The following MRM1 variants were observed in gnomAD, a reference collection of about 807,000 sequenced individuals.
MRM1 encodes mitochondrial rRNA methyltransferase 1.
Under a neutral mutation model 25.0 loss-of-function variants are expected in MRM1, and 24 were observed. The ratio of observed to expected loss-of-function variants is 0.96; its 90% CI spans 0.69 to 1.35. MRM1 has a LOEUF of 1.35. Ranked by LOEUF, MRM1 falls within the 40% of genes most tolerant of loss-of-function variation. The pLI, the probability that MRM1 is intolerant of heterozygous loss-of-function variation, is 0.00. For synonymous variants in MRM1, 188 were observed against 199.2 expected (o/e 0.94, Z 0.47); for missense variants, 431 against 464.1 (o/e 0.93, Z 0.65).
At chr17:36,604,747 A>G (rs1341669238) in intron 2 of MRM1, among the ~76,000 whole-genome samples, 1 of 151,374 alleles carries the variant, frequency 6.6e-6, no homozygotes, top group African/African-American at 2.4e-5. Flanking sequence ...TGGAGGTGGT[A>G]GTGAGCCGAG....
At chr17:36,613,008 G>T (rs183170367), downstream of MRM1, among the ~76,000 whole-genome samples, 2 of 152,126 alleles carry the variant, frequency 1.3e-5, no homozygotes, top group Admixed American at 1.3e-4. Context: ...AGGGAGGAGA[G>T]GGGTTGGAAT....
At chr17:36,610,110 T>G (rs564621219), downstream of MRM1, among the ~76,000 whole-genome samples, 4 of 151,744 alleles carry the variant, frequency 2.6e-5, no homozygotes, top group South Asian at 8.3e-4. Context: ...TTTTTTTTGG[T>G]AGAGATGGGG....
chr17:36,608,073 T>G (rs2074947596), intron 4 of MRM1, 55 bp downstream of exon 4: 3 of 1,597,876 alleles, frequency 1.9e-6, no homozygotes. Flanking sequence ...CAGGTGGGAT[T>G]TGATGCCCTC....
chr17:36,631,498 A>T, the MRM1 span, among the ~76,000 whole-genome samples: 7 of 152,280 alleles, frequency 4.6e-5, no homozygotes, highest in East Asian at 1.2e-3. Context: ...AGTCACTAAG[A>T]CCTCTGCTTC....
intron 4 of MRM1, 66 bp from the exon 5 acceptor site, chr17:36,608,177 T>C: frequency 2.0e-6 from 3 of 1,524,218 alleles, no homozygotes; most frequent in Non-Finnish European, 1.8e-6. Context: ...GCTGCCTGAA[T>C]GTCTAGGTCT....
At chr17:36,625,462 C>CTTTTTTTTTTTTTTTTTTTTTTTT in the MRM1 span, among the ~76,000 whole-genome samples, 9 of 102,002 alleles carry the variant, frequency 8.8e-5, 3 homozygotes, top group African/African-American at 3.6e-4. Context: ...CCTCCTCCTC[C>CTTTTTTTTTTTTTTTTTTTTTTTT]TTTTTTTTTT....
At chr17:36,614,149 T>G in the MRM1 span, among the ~76,000 whole-genome samples, 1 of 151,738 alleles carries the variant, frequency 6.6e-6, no homozygotes, top group African/African-American at 2.4e-5. Flanking sequence ...CAAGAACGCC[T>G]CCTCCTCCCC....
the MRM1 span, among the ~76,000 whole-genome samples, chr17:36,619,623 G>T: frequency 6.6e-6 from 1 of 151,194 alleles, no homozygotes; most frequent in Non-Finnish European, 1.5e-5. Context: ...AGCCAAGATC[G>T]CACCACTGCA....
Position 36,602,555 on chromosome 17 carries a change from G to A in MRM1, c.545G>A (p.Cys182Tyr). Residue 182 changes from cysteine (C) to tyrosine (Y), a missense_variant and splice_region_variant, in exon 2 of 5, where the codon TGC becomes TAC. Cys to Tyr is a radical substitution (Grantham distance 194). Coordinates refer to ENST00000614766, the MANE Select transcript of MRM1 (RefSeq NM_024864.5). This position sits in a 1 kb window ranked among gnomAD's most constrained non-coding sequence, Gnocchi z 4.1. Reference protein sequence around the residue: ...DKVITSRRNSCPLTPVVSKSS... With the variant: ...DKVITSRRNSYPLTPVVSKSS... ...CGGGGAACGGGGAAACCTTGCAGCTGCCCGCTCACTCCAGTAGTCAGCAAG... is the reference window on the plus strand; with the variant it reads ...CGGGGAACGGGGAAACCTTGCAGCTACCCGCTCACTCCAGTAGTCAGCAAG... 1 of 1,614,196 alleles carries A rather than the reference G, an allele frequency of 6.2e-7. No homozygotes were observed. Among genetic ancestry groups the A allele is most frequent in the Non-Finnish European group, 8.5e-7 (1 of 1,180,032 alleles).
At chr17:36,627,196 G>A in the MRM1 span, among the ~76,000 whole-genome samples, 1 of 152,172 alleles carries the variant, frequency 6.6e-6, no homozygotes, top group East Asian at 1.9e-4. Flanking sequence ...GCAAACACCT[G>A]CAGGTCTCCT....
downstream of MRM1, among the ~76,000 whole-genome samples, chr17:36,609,306 C>A (rs2074959549): frequency 6.6e-6 from 1 of 152,184 alleles, no homozygotes; most frequent in Non-Finnish European, 1.5e-5. Context: ...ACCTGGCATG[C>A]TTTAAAAAAC....
intron 2 of MRM1, among the ~76,000 whole-genome samples, chr17:36,605,315 C>T (rs1599579597): frequency 6.6e-6 from 1 of 150,512 alleles, no homozygotes; most frequent in Non-Finnish European, 1.5e-5. Context: ...ACCATCTCAC[C>T]TAATTTTTTT....
the MRM1 span, among the ~76,000 whole-genome samples, chr17:36,618,224 G>A: frequency 6.6e-6 from 1 of 152,138 alleles, no homozygotes; most frequent in Admixed American, 6.5e-5. Context: ...ATTTGGGGCT[G>A]GGGGCAGAGG....
intron 2 of MRM1, among the ~76,000 whole-genome samples, chr17:36,606,797 G>C (rs2074932704): frequency 6.6e-6 from 1 of 151,994 alleles, no homozygotes; most frequent in Non-Finnish European, 1.5e-5. Flanking sequence ...TTTTAGTAGA[G>C]ACGGAGTTTC....
At chr17:36,607,220 T>C (rs904116356) in intron 2 of MRM1, among the ~76,000 whole-genome samples, 1 of 152,134 alleles carries the variant, frequency 6.6e-6, no homozygotes, top group African/African-American at 2.4e-5. Context: ...TGGGCCAGGC[T>C]AGTTTTGAAC....
intron 2 of MRM1, among the ~76,000 whole-genome samples, chr17:36,604,512 A>G (rs1384008325): frequency 6.6e-6 from 1 of 152,110 alleles, no homozygotes. Flanking sequence ...TGTTGTTGTT[A>G]AGAGATGGGG....
downstream of MRM1, among the ~76,000 whole-genome samples, chr17:36,612,486 T>C (rs2074982793): frequency 6.6e-6 from 1 of 152,152 alleles, no homozygotes; most frequent in African/African-American, 2.4e-5. Flanking sequence ...GCCTATACAC[T>C]GAGTGGACAC....
At chr17:36,606,666 G>A (rs2074931141) in intron 2 of MRM1, among the ~76,000 whole-genome samples, 1 of 149,580 alleles carries the variant, frequency 6.7e-6, no homozygotes, top group Non-Finnish European at 1.5e-5. Context: ...TGGAGGCAGT[G>A]GTGTGCTCTC....
intron 2 of MRM1, among the ~76,000 whole-genome samples, chr17:36,607,264 C>T (rs1202257348): frequency 6.6e-6 from 1 of 152,154 alleles, no homozygotes; most frequent in African/African-American, 2.4e-5. Context: ...GCTTCAGCCT[C>T]CCAAAGTGCT....
Sources: gnomAD v4.1 joint callset for allele counts (sites outside exome capture counted in the v4.1 genomes callset) on GRCh38, gnomAD v4.1.1 for gene constraint, Gnocchi (gnomAD v3.1) non-coding constraint, MANE v1.5 for transcripts, NCBI Gene and HGNC (gene_info 2026-07-23, HGNC 2026-07-21) for gene names.